RORA: variants seen among roughly 807,000 people sequenced by gnomAD.
RORA encodes the protein nuclear receptor ROR-alpha.
RORA carries 7 observed loss-of-function variants against 69.5 expected under a neutral mutation model. The observed-to-expected ratio is 0.10, with a 90% CI of 0.06 to 0.19. RORA has a LOEUF of 0.19. RORA is among the 10% of genes least tolerant of loss of function. RORA has a pLI of 1.00. For synonymous variants in RORA, 261 were observed against 240.8 expected, an observed-to-expected ratio of 1.08 and a Z score of -0.78; for missense variants, 457 against 663.0, an observed-to-expected ratio of 0.69 and a Z score of 3.41.
intron 1 of RORA, among the ~76,000 whole-genome samples, chr15:60,727,000 A>G (rs963810883): frequency 5.3e-5 from 8 of 152,170 alleles, no homozygotes; most frequent in African/African-American, 1.9e-4. Flanking sequence ...TTTCACATTC[A>G]CAATCATTTT....
intron 1 of RORA, among the ~76,000 whole-genome samples, chr15:60,721,555 G>A (rs924575412): frequency 9.2e-5 from 14 of 152,208 alleles, no homozygotes; most frequent in African/African-American, 3.4e-4. Context: ...ATGAAGTGCC[G>A]TGGGGCAGGC....
intron 1 of RORA, among the ~76,000 whole-genome samples, chr15:60,868,438 G>A (rs191930313): frequency 5.0e-4 from 76 of 152,308 alleles, no homozygotes; most frequent in Non-Finnish European, 1.0e-4. Context: ...TATTATTAAT[G>A]AGGACTTGTG....
intron 1 of RORA, among the ~76,000 whole-genome samples, chr15:61,020,627 C>T (rs1283377658): frequency 6.6e-6 from 1 of 152,142 alleles, no homozygotes; most frequent in Non-Finnish European, 1.5e-5. Flanking sequence ...CAAAGAATAT[C>T]AACAAAAGGC....
In RORA at chr15:60,749,097, T is replaced by TAA. The variant is rs2071687587; in HGVS notation, c.167-70412_167-70411insTT. Among the ~76,000 whole-genome samples, 4 of 152,340 alleles carry TAA rather than the reference T, an allele frequency of 2.6e-5. No individual in the cohort carries two copies. In the South Asian group the frequency reaches 6.2e-4, roughly 24 times the overall value. ...GTCGTGGGGTGTAGTTTATGAGCAG[T>TAA]GGTCTTTCCCCCTATTCTCTCTTGG... On this transcript the variant is annotated intron_variant, in intron 1 of 10. Coordinates refer to ENST00000335670, the MANE Select transcript of RORA (RefSeq NM_134261.3).
chr15:60,766,838 C>T (rs889679182), intron 1 of RORA, among the ~76,000 whole-genome samples: 1 of 152,044 alleles, frequency 6.6e-6, no homozygotes, highest in African/African-American at 2.4e-5. Context: ...CCCCTGGTGT[C>T]GATGTCTGTA....
In RORA at chr15:61,043,781, A is replaced by AT. The variant is rs887144853; in HGVS notation, c.166+185271dup. On this transcript the variant is annotated intron_variant, in intron 1 of 10. Coordinates refer to ENST00000335670, the MANE Select transcript of RORA (RefSeq NM_134261.3). ...AGGAGGCAAGGAAGCAAAGGGTTTTATTTTTTTTTAATGTCCCCAACTCCT... is the reference window on the plus strand; with the variant it reads ...AGGAGGCAAGGAAGCAAAGGGTTTTATTTTTTTTTTAATGTCCCCAACTCCT... Among the ~76,000 whole-genome samples the AT allele has an allele frequency of 2.5e-4, 38 of 151,132 alleles. No homozygotes were observed. In the South Asian group the frequency reaches 3.4e-3, roughly 13 times the overall value.
intron 2 of RORA, among the ~76,000 whole-genome samples, chr15:60,561,323 C>T (rs538888908): frequency 2.4e-4 from 37 of 151,810 alleles, no homozygotes; most frequent in Non-Finnish European, 2.8e-4. Flanking sequence ...CCTCGTGATC[C>T]GCCCGCCTCG....
intron 1 of RORA, among the ~76,000 whole-genome samples, chr15:61,127,878 T>C (rs1015761931): frequency 1.3e-5 from 2 of 152,126 alleles, no homozygotes; most frequent in Non-Finnish European, 2.9e-5. Context: ...TTTATGAAAA[T>C]GTCTAAAGGC....
intron 2 of RORA, among the ~76,000 whole-genome samples, chr15:60,570,471 T>C (rs1194950250): frequency 6.6e-6 from 1 of 152,076 alleles, no homozygotes; most frequent in Non-Finnish European, 1.5e-5. Flanking sequence ...GCTGGGACTA[T>C]AATGCGTGCC....
At chr15:60,672,145 C>A (rs565831155) in intron 2 of RORA, among the ~76,000 whole-genome samples, 3 of 152,120 alleles carry the variant, frequency 2.0e-5, no homozygotes. Context: ...TGTTTAAATA[C>A]TTTTTTTCAC....
At chr15:61,029,993 G>T (rs1896064033) in intron 1 of RORA, among the ~76,000 whole-genome samples, 1 of 152,178 alleles carries the variant, frequency 6.6e-6, no homozygotes, top group African/African-American at 2.4e-5. Context: ...GAAGGCTTGA[G>T]ACTGAGCTCT....
At chr15:61,079,949 A>G (rs1482055290) in intron 1 of RORA, among the ~76,000 whole-genome samples, 1 of 152,226 alleles carries the variant, frequency 6.6e-6, no homozygotes, top group Non-Finnish European at 1.5e-5. Context: ...AATGGAGATC[A>G]TAATACTCAT....
At chr15:60,844,675 T>G (rs1020994484) in intron 1 of RORA, among the ~76,000 whole-genome samples, 1 of 152,240 alleles carries the variant, frequency 6.6e-6, no homozygotes, top group East Asian at 1.9e-4. Context: ...CAGGCACAGA[T>G]GATACCCTCA....
At chr15:60,538,127 G>C (rs979496821) in intron 2 of RORA, among the ~76,000 whole-genome samples, 1 of 152,160 alleles carries the variant, frequency 6.6e-6, no homozygotes, top group Non-Finnish European at 1.5e-5. Flanking sequence ...AAGAAAGAGA[G>C]ACTTGGTGTC....
intron 1 of RORA, among the ~76,000 whole-genome samples, chr15:61,136,246 C>A (rs1233320337): frequency 1.3e-5 from 2 of 149,248 alleles, no homozygotes; most frequent in Non-Finnish European, 1.5e-5. Flanking sequence ...GTGAGAATTT[C>A]TTCTTATACT....
At chr15:60,510,895 G>A (rs962909505) in intron 5 of RORA, among the ~76,000 whole-genome samples, 1 of 151,672 alleles carries the variant, frequency 6.6e-6, no homozygotes, top group Non-Finnish European at 1.5e-5. Flanking sequence ...GTCACCTTAG[G>A]TATAAAGCAA....
intron 1 of RORA, among the ~76,000 whole-genome samples, chr15:60,925,828 A>C (rs928224866): frequency 6.6e-6 from 1 of 152,210 alleles, no homozygotes; most frequent in Admixed American, 6.5e-5. Flanking sequence ...TGCCTGTAAT[A>C]ATGCAGGTAC....
chr15:60,528,763 T>A (rs2066440332), intron 3 of RORA: 1 of 152,232 alleles, frequency 6.6e-6, no homozygotes, highest in South Asian at 2.1e-4. Context: ...TTCTTCCAGG[T>A]ACTTTCCTTA....
intron 1 of RORA, among the ~76,000 whole-genome samples, chr15:61,222,796 C>T (rs1187129503): frequency 1.3e-5 from 2 of 152,110 alleles, no homozygotes; most frequent in African/African-American, 4.8e-5. Flanking sequence ...TTGGGGCAAT[C>T]GAAATGTTCT....
Sources: gnomAD v4.1 joint callset for allele counts (sites outside exome capture counted in the v4.1 genomes callset) on GRCh38, gnomAD v4.1.1 for gene constraint, MANE v1.5 for transcripts, NCBI Gene and HGNC (gene_info 2026-07-23, HGNC 2026-07-21) for gene names.